Variants in SORBS2 observed in about 807,000 individuals in gnomAD.
The protein encoded by SORBS2 is sorbin and SH3 domain-containing protein 2.
SORBS2 carries 46 observed loss-of-function variants against 97.7 expected under a neutral mutation model. That is an observed-to-expected ratio of 0.47 (90% CI 0.37 to 0.60). The LOEUF is 0.60. Among genes scored for constraint, SORBS2 ranks in the 20% least tolerant of loss-of-function variants. SORBS2 has a pLI of 0.00. For synonymous variants in SORBS2, 476 were observed against 473.4 expected, an observed-to-expected ratio of 1.01 and a Z score of -0.07; for missense variants, 1,316 against 1,282.3, an observed-to-expected ratio of 1.03 and a Z score of -0.40.
At chr4:185,917,037 G>A (rs571335258) in intron 1 of SORBS2, among the ~76,000 whole-genome samples, 2 of 152,252 alleles carry the variant, frequency 1.3e-5, no homozygotes, top group South Asian at 4.2e-4. Flanking sequence ...GATCACCAAT[G>A]GCCAATGGTT....
At chr4:185,840,833 G>T (rs1579146304) in intron 1 of SORBS2, among the ~76,000 whole-genome samples, 2 of 152,120 alleles carry the variant, frequency 1.3e-5, no homozygotes, top group South Asian at 2.1e-4. Flanking sequence ...CACTCACTAG[G>T]AGGGAGGCAG....
At chr4:185,752,707 A>C (rs1187623697) in intron 2 of SORBS2, among the ~76,000 whole-genome samples, 1 of 152,250 alleles carries the variant, frequency 6.6e-6, no homozygotes, top group Admixed American at 6.5e-5. Context: ...GAAATAATTC[A>C]GATAGAATAA....
rs756595471 is a variant in SORBS2 at position 185,606,173 on chromosome 4, C to G, written c.2796+5607G>C. The G allele has an allele frequency of 2.4e-5, 24 of 985,282 alleles. No homozygotes were observed. The highest frequency in any genetic ancestry group is 2.9e-5 in the Non-Finnish European group (24 of 829,904). The allele number at this position is 985,282 out of a possible 1,614,324, so 61.0% of individuals were successfully genotyped here. A position where few individuals can be genotyped will look rare whatever the true frequency, so the allele number is the denominator to read the frequency against. ...AATAGGACAAATTTCTGGGCATCAA[C>G]TTCCTCTTCTCTAAAGTGGGGATGA... On this transcript the variant is annotated intron_variant, in intron 12 of 14. Transcript: ENST00000418609. The surrounding 1 kb of genome is among the most constrained non-coding windows in gnomAD (Gnocchi z 4.3).
intron 4 of SORBS2, chr4:185,645,863 T>A (rs1239352896): frequency 6.6e-6 from 1 of 152,146 alleles, no homozygotes; most frequent in Non-Finnish European, 1.5e-5. Context: ...GCAAAGGACA[T>A]GCAAGGGAGT....
At chr4:185,758,457 T>G (rs1039480290) in intron 2 of SORBS2, among the ~76,000 whole-genome samples, 16 of 152,280 alleles carry the variant, frequency 1.1e-4, no homozygotes, top group Middle Eastern at 3.4e-3. Context: ...TCCTGGCCTC[T>G]CAATCTTGGA....
At chr4:185,609,748 A>G (rs1477682127) in intron 12 of SORBS2, among the ~76,000 whole-genome samples, 1 of 152,252 alleles carries the variant, frequency 6.6e-6, no homozygotes, top group Non-Finnish European at 1.5e-5. Flanking sequence ...TGATTTATAA[A>G]TTATTAATGA....
Position 185,684,706 on chromosome 4 carries a change from G to C in SORBS2, c.-197-5884C>G. ...GTTTAGAACAAAAACAGTCAGAAGA[G>C]CTAGAAGCCATTCAAGTGCGACATT... On this transcript the variant is annotated intron_variant, in intron 2 of 20. Transcript: ENST00000284776. This position sits in a 1 kb window ranked among gnomAD's most constrained non-coding sequence, Gnocchi z 4.2. The C allele has an allele frequency of 7.8e-7, 1 of 1,289,978 alleles. No individual in the cohort carries two copies. The highest frequency in any genetic ancestry group is 1.1e-6 in the Non-Finnish European group (1 of 910,342). 79.9% of individuals were successfully genotyped at this position (1,289,978 alleles called of 1,614,324 possible). A position where few individuals can be genotyped will look rare whatever the true frequency, so the allele number is the denominator to read the frequency against.
intron 1 of SORBS2, among the ~76,000 whole-genome samples, chr4:185,790,831 A>T (rs2099076739): frequency 6.6e-6 from 1 of 152,172 alleles, no homozygotes; most frequent in Admixed American, 6.5e-5. Flanking sequence ...TTCTGAAATG[A>T]TCCAATTTTG....
intron 1 of SORBS2, among the ~76,000 whole-genome samples, chr4:185,853,307 A>G (rs530566316): frequency 6.6e-6 from 1 of 152,342 alleles, no homozygotes; most frequent in South Asian, 2.1e-4. Flanking sequence ...TTTATAGGAC[A>G]AAGTATGTAT....
chr4:185,873,705 C>A lies in SORBS2; in HGVS notation c.-338+82491G>T, dbSNP rs189244686. 1.6e-3 allele frequency among the ~76,000 whole-genome samples: 251 copies of A among 152,164 alleles called. 1 individual carries two copies. The highest frequency in any genetic ancestry group is 5.8e-3 in the African/African-American group (240 of 41,518). On this transcript the variant is annotated intron_variant, in intron 1 of 20. Transcript: ENST00000284776. The stretch of plus-strand genomic sequence containing the variant: ...ATGCAACTCTACGCTCATAATTTAC[C>A]CTGCATACTGTCCAAAACTATAATT...
chr4:185,837,555 T>C (rs1394128385), intron 1 of SORBS2, among the ~76,000 whole-genome samples: 1 of 152,218 alleles, frequency 6.6e-6, no homozygotes, highest in Non-Finnish European at 1.5e-5. Flanking sequence ...TGCTTATTGC[T>C]TTGCGGAAGT....
chr4:185,879,166 C>CCG (rs1491589046), intron 1 of SORBS2, among the ~76,000 whole-genome samples: 41 of 62,890 alleles, frequency 6.5e-4, no homozygotes, highest in Non-Finnish European at 1.0e-3. Context: ...TGCTATCCCT[C>CCG]CCCCCCCCCC....
At position 185,620,293 on chromosome 4, in the gene SORBS2, T is replaced by C. The variant is rs2096699234; in HGVS notation, c.2216-142A>G. 4.6e-6 allele frequency: 3 copies of C among 656,864 alleles called. No homozygotes were observed. The African/African-American group carries it at 5.4e-5, about 12-fold the overall frequency. The allele number at this position is 656,864 out of a possible 1,614,324, so 40.7% of individuals were successfully genotyped here. On this transcript the variant is annotated intron_variant, in intron 7 of 14. Transcript: ENST00000418609. ...ATCGAACACATGGGCATAAAACTCA[T>C]AGTTCATTACAAAGTTGTGAAATAA...
intron 2 of SORBS2, among the ~76,000 whole-genome samples, chr4:185,764,307 A>T (rs2098921638): frequency 6.6e-6 from 1 of 152,200 alleles, no homozygotes; most frequent in Admixed American, 6.5e-5. Flanking sequence ...AGAGGTTAAG[A>T]TAATGTATAC....
chr4:185,821,614 G>C (rs1364383010), intron 1 of SORBS2, among the ~76,000 whole-genome samples: 2 of 151,980 alleles, frequency 1.3e-5, no homozygotes, highest in Non-Finnish European at 2.9e-5. Flanking sequence ...AGTAGAGACG[G>C]GGTTTCGCCA....
At chr4:185,705,187 T>C (rs768100918) in intron 2 of SORBS2, among the ~76,000 whole-genome samples, 2 of 152,252 alleles carry the variant, frequency 1.3e-5, no homozygotes, top group Non-Finnish European at 2.9e-5. Context: ...CAGAAGTTGG[T>C]CGATATTAAA....
chr4:185,863,661 G>T (rs1017770582), intron 1 of SORBS2, among the ~76,000 whole-genome samples: 14 of 152,074 alleles, frequency 9.2e-5, no homozygotes, highest in Non-Finnish European at 1.8e-4. Context: ...AGTTTTAATG[G>T]TATTTTTATG....
chr4:185,641,792 C>G, intron 4 of SORBS2, among the ~76,000 whole-genome samples: 1 of 150,886 alleles, frequency 6.6e-6, no homozygotes, highest in African/African-American at 2.4e-5. Context: ...AGCAAACCTC[C>G]GTTTAAAACT....
At chr4:185,690,836 C>T (rs983043830) in intron 2 of SORBS2, among the ~76,000 whole-genome samples, 1 of 151,874 alleles carries the variant, frequency 6.6e-6, no homozygotes, top group East Asian at 1.9e-4. Context: ...TGTTTTTATG[C>T]TTTTGTTTAA....
Sources: gnomAD v4.1 joint callset for allele counts (sites outside exome capture counted in the v4.1 genomes callset) on GRCh38, gnomAD v4.1.1 for gene constraint, Gnocchi (gnomAD v3.1) non-coding constraint, MANE v1.5 for transcripts, NCBI Gene and HGNC (gene_info 2026-07-23, HGNC 2026-07-21) for gene names.